CHD7: variants seen among roughly 807,000 people sequenced by gnomAD.
CHD7 encodes ATP-dependent chromatin remodeler CHD7.
In CHD7, 24 loss-of-function variants were observed where a neutral mutation model predicts 307.3. That is an observed-to-expected ratio of 0.08 (90% CI 0.06 to 0.11). CHD7 has a LOEUF of 0.11. Ranked by LOEUF, CHD7 falls within the 10% of genes least tolerant of loss-of-function variation. CHD7 has a pLI of 1.00. For missense variants in CHD7, 3,106 were observed against 3,727.1 expected, an observed-to-expected ratio of 0.83 and a Z score of 4.34; for synonymous variants, 1,363 against 1,349.9, an observed-to-expected ratio of 1.01 and a Z score of -0.21.
chr8:60,788,129 CT>C (rs916190577), intron 3 of CHD7, among the ~76,000 whole-genome samples: 184 of 143,950 alleles, frequency 1.3e-3, no homozygotes, highest in Middle Eastern at 7.2e-3. Context: ...CCCCAGGTGA[CT>C]TTTTTTTTTT....
At position 60,828,559 on chromosome 8, in the gene CHD7, G is replaced by T. The variant is rs1054437517; in HGVS notation, c.3379-104G>T. 4.8e-6 allele frequency: 5 copies of T among 1,036,572 alleles called. No homozygotes were observed. The African/African-American group carries it at 4.8e-5, about 10-fold the overall frequency. 64.2% of individuals were successfully genotyped at this position (1,036,572 alleles called of 1,614,324 possible). A position where few individuals can be genotyped will look rare whatever the true frequency, so the allele number is the denominator to read the frequency against. On this transcript the variant is annotated intron_variant, in intron 13 of 37. Transcript: ENST00000423902. ...GCCTGATTCCTATACTTTGCATAGG[G>T]TAGATGAGTAGGAGTAGAACAATGG... is the stretch of plus-strand genomic sequence containing the variant.
chr8:60,722,579 G>T (rs1807962727), intron 1 of CHD7, among the ~76,000 whole-genome samples: 1 of 152,116 alleles, frequency 6.6e-6, no homozygotes, highest in African/African-American at 2.4e-5. Flanking sequence ...TTAAATCTAA[G>T]AAGTATAAAA....
At position 60,867,696 on chromosome 8, in the gene CHD7, T is replaced by G. The variant is rs545202022; in HGVS notation, c.*1763T>G. On this transcript the variant is annotated 3_prime_UTR_variant, in exon 38 of 38. Coordinates refer to ENST00000423902, the MANE Select transcript of CHD7 (RefSeq NM_017780.4). ...GTGCTGCCAGACAGGTGGTCTAAAT[T>G]CCTCCCAGACTGTGAGATTCAGTTC... 5.6e-4 allele frequency: 85 copies of G among 152,214 alleles called. No individual in the cohort carries two copies. Among genetic ancestry groups the G allele is most frequent in the African/African-American group, 1.7e-3 (71 of 41,512 alleles). The allele number at this position is 152,214 out of a possible 1,614,324, so 9.4% of individuals were successfully genotyped here.
chr8:60,708,039 A>G (rs1488362099), intron 1 of CHD7, among the ~76,000 whole-genome samples: 2 of 152,238 alleles, frequency 1.3e-5, no homozygotes, highest in African/African-American at 2.4e-5. Flanking sequence ...AGAATCTACT[A>G]TAACCAGAGA....
At chr8:60,711,684 C>A (rs1035906404) in intron 1 of CHD7, among the ~76,000 whole-genome samples, 2 of 152,122 alleles carry the variant, frequency 1.3e-5, no homozygotes, top group African/African-American at 4.8e-5. Context: ...TTCTTTGTAG[C>A]CTATAATTGT....
At chr8:60,770,748 C>G (rs537965737) in intron 2 of CHD7, among the ~76,000 whole-genome samples, 1 of 152,164 alleles carries the variant, frequency 6.6e-6, no homozygotes, top group African/African-American at 2.4e-5. Flanking sequence ...TTAAAATGCT[C>G]TTTTGCTTAT....
At chr8:60,776,799 A>G (rs1309288284) in intron 2 of CHD7, among the ~76,000 whole-genome samples, 2 of 152,296 alleles carry the variant, frequency 1.3e-5, no homozygotes, top group East Asian at 1.9e-4. Flanking sequence ...CACTTTTCAT[A>G]CCAGAATTCC....
intron 1 of CHD7, among the ~76,000 whole-genome samples, chr8:60,691,239 A>G (rs1806179286): frequency 1.3e-5 from 2 of 152,168 alleles, no homozygotes; most frequent in Middle Eastern, 3.2e-3. Flanking sequence ...ATGGATCACT[A>G]CCATAATAAT....
chr8:60,727,150 A>C (rs1808204331), intron 1 of CHD7, among the ~76,000 whole-genome samples: 1 of 152,074 alleles, frequency 6.6e-6, no homozygotes, highest in African/African-American at 2.4e-5. Context: ...ATTTTGAGAC[A>C]GGGTCTTTCT....
intron 2 of CHD7, among the ~76,000 whole-genome samples, chr8:60,772,013 G>C (rs891556158): frequency 1.3e-5 from 2 of 152,160 alleles, no homozygotes; most frequent in African/African-American, 4.8e-5. Context: ...TTGGCTTGAG[G>C]GTCGCAGGTC....
rs1441410913 is a variant in CHD7 at position 60,844,873 on chromosome 8, G to C, written c.4860G>C (p.Arg1620=). ...GATATTTGCTTTGCAGTTGGGGACGGTGGACAGACATTCTTTCCCACGGAC... is the reference window on the plus strand; with the variant it reads ...GATATTTGCTTTGCAGTTGGGGACGCTGGACAGACATTCTTTCCCACGGAC... ...EKNLLVYGWG[R]WTDILSHGRY... Residue 1620 remains arginine, a synonymous_variant, in exon 22 of 38, where the codon CGG becomes CGC. Transcript: ENST00000423902. 1.3e-5 allele frequency: 21 copies of C among 1,597,954 alleles called. No individual in the cohort carries two copies. Among genetic ancestry groups the C allele is most frequent in the Non-Finnish European group, 1.7e-5 (20 of 1,169,650 alleles).
intron 17 of CHD7, 149 bp downstream of exon 17, chr8:60,837,161 G>T: frequency 1.6e-6 from 1 of 625,210 alleles, no homozygotes; most frequent in South Asian, 2.6e-5. Context: ...CTAGTAATCT[G>T]TTGATTAATA....
At chr8:60,720,879 C>G (rs1368116813) in intron 1 of CHD7, among the ~76,000 whole-genome samples, 2 of 152,240 alleles carry the variant, frequency 1.3e-5, no homozygotes, top group African/African-American at 2.4e-5. Flanking sequence ...CCACCATCAG[C>G]AGCAGCACCT....
chr8:60,737,986 T>C (rs1808792336), intron 1 of CHD7, among the ~76,000 whole-genome samples: 1 of 152,348 alleles, frequency 6.6e-6, no homozygotes, highest in Non-Finnish European at 1.5e-5. Flanking sequence ...AATAAATAAT[T>C]GTGATTTGAG....
At chr8:60,735,731 A>G (rs1399021020) in intron 1 of CHD7, among the ~76,000 whole-genome samples, 2 of 152,226 alleles carry the variant, frequency 1.3e-5, no homozygotes, top group Non-Finnish European at 2.9e-5. Context: ...TTTTTATGAA[A>G]GAGGATTGCT....
chr8:60,845,043 G>T lies in CHD7; in HGVS notation c.5030G>T (p.Arg1677Leu). ...LITPTADGQT[R>L]ALVNHSGLSA... ...ACACCCACAGCGGATGGCCAGACTC[G>T]AGCCTTGGTCAACCATTCCGGTAGG... The change falls in exon 22 of 38, where the codon CGA becomes CTA. Residue 1677 changes from arginine (R) to leucine (L), a missense_variant. Transcript: ENST00000423902. The T allele has an allele frequency of 6.2e-7, 1 of 1,613,916 alleles. No individual in the cohort carries two copies. The highest frequency in any genetic ancestry group is 1.1e-5 in the South Asian group (1 of 91,074).
In CHD7 at chr8:60,867,738, G is replaced by GA. The variant is rs1806284161; in HGVS notation, c.*1809dup. 1 of 152,172 alleles carries GA rather than the reference G, an allele frequency of 6.6e-6. No individual in the cohort carries two copies. Among genetic ancestry groups the GA allele is most frequent in the African/African-American group, 2.4e-5 (1 of 41,426 alleles). The allele number at this position is 152,172 out of a possible 1,614,324, so 9.4% of individuals were successfully genotyped here. A position where few individuals can be genotyped will look rare whatever the true frequency, so the allele number is the denominator to read the frequency against. On this transcript the variant is annotated 3_prime_UTR_variant, in exon 38 of 38. Transcript: ENST00000423902. ...ATTCAGTTCGTTTATGCCCCAAGATGAAAATATGCCCCTTAATGATTCTGG... is the reference window on the plus strand; with the variant it reads ...ATTCAGTTCGTTTATGCCCCAAGATGAAAAATATGCCCCTTAATGATTCTGG...
At chr8:60,743,494 G>T (rs897742254) in intron 2 of CHD7, among the ~76,000 whole-genome samples, 1 of 152,138 alleles carries the variant, frequency 6.6e-6, no homozygotes, top group African/African-American at 2.4e-5. Context: ...AGATTTATGC[G>T]TGTGTGGTAG....
At position 60,830,245 on chromosome 8, in the gene CHD7, C is replaced by T. The variant is rs1586405094; in HGVS notation, c.3523-77C>T. On this transcript the variant is annotated intron_variant, in intron 14 of 37. Transcript: ENST00000423902. The stretch of plus-strand genomic sequence containing the variant: ...TGGATGTTTAATGAATGAGATAATC[C>T]TGATGTTTCATGTTAAAATATGTTT... 4 of 1,407,636 alleles carry T rather than the reference C, an allele frequency of 2.8e-6. No homozygotes were observed. The Middle Eastern group carries it at 7.0e-4, about 245-fold the overall frequency. The allele number at this position is 1,407,636 out of a possible 1,614,324, so 87.2% of individuals were successfully genotyped here.
Sources: gnomAD v4.1 joint callset for allele counts (sites outside exome capture counted in the v4.1 genomes callset) on GRCh38, gnomAD v4.1.1 for gene constraint, MANE v1.5 for transcripts, NCBI Gene and HGNC (gene_info 2026-07-23, HGNC 2026-07-21) for gene names.